CAMK2D: variants seen among roughly 807,000 people sequenced by gnomAD.
CAMK2D encodes calcium/calmodulin-dependent protein kinase type II subunit delta.
A neutral mutation model predicts 84.0 loss-of-function variants in CAMK2D; 37 were observed. That is an observed-to-expected ratio of 0.44 (90% CI 0.34 to 0.58). The LOEUF (loss-of-function observed/expected upper bound fraction) is 0.58. CAMK2D is among the 20% of genes least tolerant of loss of function. CAMK2D has a pLI of 0.02. For missense variants in CAMK2D, 448 were observed against 652.5 expected (o/e 0.69, Z 3.41); for synonymous variants, 202 against 212.5 (o/e 0.95, Z 0.43).
intron 4 of CAMK2D, among the ~76,000 whole-genome samples, chr4:113,607,806 G>A (rs572327226): frequency 6.6e-6 from 1 of 151,826 alleles, no homozygotes; most frequent in Non-Finnish European, 1.5e-5. Context: ...ACATGGATGC[G>A]CATGACACTA....
intron 17 of CAMK2D, among the ~76,000 whole-genome samples, 172 bp from the exon 18 acceptor site, chr4:113,460,413 T>A (rs1329978047): frequency 6.6e-6 from 1 of 152,120 alleles, no homozygotes; most frequent in Admixed American, 6.6e-5. Context: ...GAGCAGACTC[T>A]TAAAAAGACA....
At chr4:113,468,462 G>T (rs764404040) in intron 16 of CAMK2D, among the ~76,000 whole-genome samples, 9 of 152,204 alleles carry the variant, frequency 5.9e-5, no homozygotes, top group Non-Finnish European at 8.8e-5. Flanking sequence ...AAAGGAGCTT[G>T]AGTGAGTCAC....
At chr4:113,495,311 A>T (rs2097913672) in intron 16 of CAMK2D, among the ~76,000 whole-genome samples, 1 of 152,182 alleles carries the variant, frequency 6.6e-6, no homozygotes, top group African/African-American at 2.4e-5. Context: ...CCCTCAATAA[A>T]ATACCCAAGA....
At chr4:113,552,179 G>C in intron 4 of CAMK2D, 83 bp from the exon 5 acceptor site, 1 of 723,948 alleles carries the variant, frequency 1.4e-6, no homozygotes, top group Non-Finnish European at 2.4e-6. Context: ...TGTTCATATA[G>C]CTGTTTTTCT....
chr4:113,631,438 C>T (rs1478640287), intron 3 of CAMK2D, among the ~76,000 whole-genome samples: 1 of 152,002 alleles, frequency 6.6e-6, no homozygotes, highest in Non-Finnish European at 1.5e-5. Context: ...TAAACATCAC[C>T]CAGACAGGCT....
chr4:113,593,469 T>C (rs1265408273), intron 4 of CAMK2D, among the ~76,000 whole-genome samples: 1 of 152,108 alleles, frequency 6.6e-6, no homozygotes, highest in Non-Finnish European at 1.5e-5. Flanking sequence ...GAAGGATCAG[T>C]GTGGACAAGT....
intron 3 of CAMK2D, among the ~76,000 whole-genome samples, chr4:113,654,108 C>T (rs2099188285): frequency 6.6e-6 from 1 of 151,994 alleles, no homozygotes; most frequent in African/African-American, 2.4e-5. Flanking sequence ...CGAAGTAATA[C>T]ACAGATTGTG....
intron 6 of CAMK2D, among the ~76,000 whole-genome samples, chr4:113,543,419 C>G (rs1423608789): frequency 6.8e-6 from 1 of 146,508 alleles, no homozygotes; most frequent in Non-Finnish European, 1.5e-5. Flanking sequence ...GGGGGTCTTG[C>G]TATGTTGCGC....
chr4:113,742,199 T>C (rs959831482), intron 2 of CAMK2D, among the ~76,000 whole-genome samples: 2 of 152,116 alleles, frequency 1.3e-5, no homozygotes, highest in Admixed American at 1.3e-4. Flanking sequence ...ATGACTGATA[T>C]AATGAGGGCA....
At position 113,685,348 on chromosome 4, in the gene CAMK2D, T is replaced by C. The variant is rs568677905; in HGVS notation, c.161-23576A>G. Among the ~76,000 whole-genome samples, 6 of 150,648 alleles carry C rather than the reference T, an allele frequency of 4.0e-5. No individual in the cohort carries two copies. The East Asian group carries it at 1.2e-3, about 30-fold the overall frequency. On this transcript the variant is annotated intron_variant, in intron 2 of 20. Coordinates refer to ENST00000511664, the MANE Select transcript of CAMK2D (RefSeq NM_001321571.2). Reference sequence around the variant, plus strand: ...CTGCCTCCCAGGGCTCAAGCAATCCTCCCACCTCAGCCTCCCAAGTAGCTG... The same window carrying C: ...CTGCCTCCCAGGGCTCAAGCAATCCCCCCACCTCAGCCTCCCAAGTAGCTG...
At chr4:113,681,909 A>T (rs1194499092) in intron 2 of CAMK2D, among the ~76,000 whole-genome samples, 1 of 151,922 alleles carries the variant, frequency 6.6e-6, no homozygotes, top group Non-Finnish European at 1.5e-5. Context: ...TTGTCATTTG[A>T]TTAGTTTGTA....
chr4:113,661,774 TG>T lies in CAMK2D; in HGVS notation c.161-3del. 6.8e-7 allele frequency: 1 copy of T among 1,472,710 alleles called. No individual in the cohort carries two copies. Among genetic ancestry groups the T allele is most frequent in the Non-Finnish European group, 9.2e-7 (1 of 1,087,012 alleles). The allele number at this position is 1,472,710 out of a possible 1,614,324, so 91.2% of individuals were successfully genotyped here. ...CTTCTCTTTCTAGTTTCTGATGATC[TG>T]TTAAAAAAAAAAACAGAATAAGGCA... On this transcript the variant is annotated splice_region_variant and splice_polypyrimidine_tract_variant and intron_variant, in intron 2 of 20. Coordinates refer to ENST00000511664, the MANE Select transcript of CAMK2D (RefSeq NM_001321571.2).
intron 17 of CAMK2D, among the ~76,000 whole-genome samples, chr4:113,461,812 A>G (rs537885719): frequency 6.6e-6 from 1 of 152,342 alleles, no homozygotes; most frequent in East Asian, 1.9e-4. Context: ...AAAATTTTTT[A>G]AATGTTCAAC....
intron 4 of CAMK2D, among the ~76,000 whole-genome samples, chr4:113,606,254 A>C (rs1293010583): frequency 6.6e-6 from 1 of 152,160 alleles, no homozygotes; most frequent in African/African-American, 2.4e-5. Flanking sequence ...GCAGATCACG[A>C]GGTCAGGAGT....
At chr4:113,520,845 T>C (rs1364057472) in intron 8 of CAMK2D, among the ~76,000 whole-genome samples, 1 of 151,978 alleles carries the variant, frequency 6.6e-6, no homozygotes, top group Non-Finnish European at 1.5e-5. Context: ...CTAGCCAACA[T>C]AGCAAGACCC....
At chr4:113,544,702 A>G (rs921940453) in intron 6 of CAMK2D, among the ~76,000 whole-genome samples, 1 of 152,122 alleles carries the variant, frequency 6.6e-6, no homozygotes, top group East Asian at 1.9e-4. Flanking sequence ...AACGCTCCCA[A>G]AGACTGCAGT....
chr4:113,496,631 T>C (rs1032457554), intron 16 of CAMK2D, among the ~76,000 whole-genome samples: 22 of 152,012 alleles, frequency 1.4e-4, no homozygotes, highest in Non-Finnish European at 2.9e-4. Context: ...GTATTTTTAG[T>C]GGAGACAGGG....
intron 2 of CAMK2D, among the ~76,000 whole-genome samples, chr4:113,669,779 A>G (rs534977475): frequency 1.3e-5 from 2 of 152,314 alleles, no homozygotes; most frequent in Middle Eastern, 3.4e-3. Context: ...GGAGTAAACC[A>G]GGAAGCATAA....
chr4:113,571,496 C>T (rs1414653347), intron 4 of CAMK2D, among the ~76,000 whole-genome samples: 3 of 151,844 alleles, frequency 2.0e-5, no homozygotes, highest in African/African-American at 7.3e-5. Flanking sequence ...CATGGATGGC[C>T]CTAGAGGATA....
Sources: gnomAD v4.1 joint callset for allele counts (sites outside exome capture counted in the v4.1 genomes callset) on GRCh38, gnomAD v4.1.1 for gene constraint, MANE v1.5 for transcripts, NCBI Gene and HGNC (gene_info 2026-07-23, HGNC 2026-07-21) for gene names.